Variants in GRM5 observed in about 807,000 individuals in gnomAD.
GRM5 encodes glutamate metabotropic receptor 5.
Under a neutral mutation model 83.1 loss-of-function variants are expected in GRM5, and 19 were observed. The ratio of observed to expected loss-of-function variants is 0.23; its 90% CI spans 0.16 to 0.34. GRM5 has a LOEUF of 0.34. GRM5 is among the 10% of genes least tolerant of loss of function. The probability of loss-of-function intolerance (pLI) is 1.00; values close to 1 mark genes in which losing one functional copy is unlikely to be tolerated. For synonymous variants in GRM5, 675 were observed against 633.6 expected (o/e 1.07, Z -0.98); for missense variants, 1,160 against 1,588.3 (o/e 0.73, Z 4.58).
At chr11:88,698,285 A>G (rs1940947205) in intron 3 of GRM5, among the ~76,000 whole-genome samples, 1 of 152,152 alleles carries the variant, frequency 6.6e-6, no homozygotes, top group African/African-American at 2.4e-5. Context: ...TGGTCTCTCT[A>G]TTCCAGCTAG....
chr11:89,036,477 T>G (rs761409116), intron 2 of GRM5, among the ~76,000 whole-genome samples: 1 of 152,124 alleles, frequency 6.6e-6, no homozygotes, highest in Non-Finnish European at 1.5e-5. Flanking sequence ...AGACAGGTTC[T>G]TGGCAGGAAA....
intron 3 of GRM5, among the ~76,000 whole-genome samples, chr11:88,733,188 T>G (rs1486538205): frequency 6.6e-6 from 1 of 151,998 alleles, no homozygotes; most frequent in African/African-American, 2.4e-5. Flanking sequence ...AGAAGCTTTT[T>G]GAAAATGGAA....
chr11:88,807,346 C>T (rs1943515494), intron 3 of GRM5, among the ~76,000 whole-genome samples: 1 of 152,156 alleles, frequency 6.6e-6, no homozygotes, highest in African/African-American at 2.4e-5. Flanking sequence ...ATACTAGACT[C>T]AACTCTGTCC....
At chr11:88,670,460 A>G (rs1039602990) in intron 3 of GRM5, among the ~76,000 whole-genome samples, 3 of 151,748 alleles carry the variant, frequency 2.0e-5, no homozygotes, top group Non-Finnish European at 2.9e-5. Context: ...TAGGCCACAA[A>G]TTAGGAGAAG....
At chr11:88,886,044 C>T (rs534578365) in intron 2 of GRM5, among the ~76,000 whole-genome samples, 3 of 152,136 alleles carry the variant, frequency 2.0e-5, no homozygotes, top group Non-Finnish European at 4.4e-5. Flanking sequence ...AAACATCATA[C>T]CTGATCAAAC....
intron 8 of GRM5, among the ~76,000 whole-genome samples, chr11:88,550,939 G>C (rs1942493492): frequency 6.6e-6 from 1 of 152,054 alleles, no homozygotes; most frequent in South Asian, 2.1e-4. Context: ...GTTTGTCCTT[G>C]GGCAATTTAT....
At chr11:88,733,064 A>G (rs1941839976) in intron 3 of GRM5, among the ~76,000 whole-genome samples, 1 of 152,052 alleles carries the variant, frequency 6.6e-6, no homozygotes, top group Admixed American at 6.6e-5. Flanking sequence ...CTATTTATCA[A>G]TATTTAATTA....
At chr11:88,614,918 C>A (rs893679581) in intron 4 of GRM5, among the ~76,000 whole-genome samples, 1 of 152,058 alleles carries the variant, frequency 6.6e-6, no homozygotes, top group Non-Finnish European at 1.5e-5. Context: ...CCTGTATCAC[C>A]TTTTTAAAAA....
At chr11:88,814,306 G>C (rs187060973) in intron 3 of GRM5, among the ~76,000 whole-genome samples, 1 of 152,288 alleles carries the variant, frequency 6.6e-6, no homozygotes, top group East Asian at 1.9e-4. Flanking sequence ...ACATCTACAA[G>C]ATAGAGGACT....
intron 2 of GRM5, among the ~76,000 whole-genome samples, chr11:89,037,301 G>C (rs116557928): frequency 0.025 from 3,825 of 152,084 alleles, 163 homozygotes; most frequent in African/African-American, 0.088. Context: ...CTCCCAGCCT[G>C]TCTTTATCAT....
At chr11:88,643,861 G>C (rs555267101) in intron 4 of GRM5, among the ~76,000 whole-genome samples, 2 of 152,234 alleles carry the variant, frequency 1.3e-5, no homozygotes, top group Admixed American at 1.3e-4. Context: ...GGGCATAAAA[G>C]ATGGCAGAAG....
intron 3 of GRM5, among the ~76,000 whole-genome samples, chr11:88,809,787 G>A (rs954062840): frequency 2.0e-5 from 3 of 151,822 alleles, no homozygotes; most frequent in Admixed American, 6.6e-5. Context: ...AAAAGTTGAG[G>A]AGATTCTTCA....
At position 88,861,040 on chromosome 11, in the gene GRM5, T is replaced by C. The variant is rs369972034; in HGVS notation, c.662-10885A>G. On this transcript the variant is annotated intron_variant, in intron 2 of 9. Coordinates refer to ENST00000305447, the MANE Select transcript of GRM5 (RefSeq NM_001143831.3). ...TTAAAATGATAGAAGTTTAGATATA[T>C]TGGGTTAAATAAAATGTATTATTAA... 6.6e-4 allele frequency among the ~76,000 whole-genome samples: 101 copies of C among 152,312 alleles called. 1 individual carries two copies. The South Asian group carries it at 0.02, about 30-fold the overall frequency.
At chr11:88,635,316 C>T (rs911878121) in intron 4 of GRM5, among the ~76,000 whole-genome samples, 1 of 152,168 alleles carries the variant, frequency 6.6e-6, no homozygotes, top group Non-Finnish European at 1.5e-5. Context: ...CTTTTCTCTA[C>T]ACCCTTGCCA....
chr11:88,930,588 ATCACTGCAACC>A (rs1483728433), intron 2 of GRM5, among the ~76,000 whole-genome samples: 10 of 151,978 alleles, frequency 6.6e-5, no homozygotes, highest in Non-Finnish European at 1.0e-4. Context: ...CAATGGTGAG[ATCACTGCAACC>A]TCACTGCAAC....
At chr11:88,964,620 A>AAC (rs1421677338) in intron 2 of GRM5, among the ~76,000 whole-genome samples, 1 of 152,158 alleles carries the variant, frequency 6.6e-6, no homozygotes, top group Non-Finnish European at 1.5e-5. Flanking sequence ...GACTGACAAC[A>AAC]AAGCATGTAT....
At chr11:88,845,240 A>T (rs1304440909) in intron 3 of GRM5, among the ~76,000 whole-genome samples, 1 of 151,790 alleles carries the variant, frequency 6.6e-6, no homozygotes, top group East Asian at 1.9e-4. Context: ...CACCCTAATC[A>T]GTCAGCAGCC....
intron 2 of GRM5, among the ~76,000 whole-genome samples, chr11:88,904,976 T>C (rs1481899906): frequency 6.6e-6 from 1 of 152,174 alleles, no homozygotes; most frequent in Non-Finnish European, 1.5e-5. Context: ...ACCTAGTCAA[T>C]AGTTGTTTTA....
chr11:89,007,373 A>G (rs1327560435), intron 2 of GRM5, among the ~76,000 whole-genome samples: 2 of 152,334 alleles, frequency 1.3e-5, no homozygotes, highest in East Asian at 3.9e-4. Flanking sequence ...AGTATATAGT[A>G]TGTGTTCAGG....
Sources: gnomAD v4.1 joint callset for allele counts (sites outside exome capture counted in the v4.1 genomes callset) on GRCh38, gnomAD v4.1.1 for gene constraint, MANE v1.5 for transcripts, NCBI Gene and HGNC (gene_info 2026-07-23, HGNC 2026-07-21) for gene names.